The following ESCO2 variants were observed in gnomAD, a reference collection of about 807,000 sequenced individuals.
ESCO2 encodes N-acetyltransferase ESCO2.
A neutral mutation model predicts 61.7 loss-of-function variants in ESCO2; 51 were observed. That is an observed-to-expected ratio of 0.83 (90% confidence interval 0.66 to 1.04). ESCO2 has a LOEUF of 1.04. Among genes scored for constraint, ESCO2 ranks in the 50% least tolerant of loss-of-function variants. The pLI, the probability that ESCO2 is intolerant of heterozygous loss-of-function variation, is 0.00. For synonymous variants in ESCO2, 230 were observed against 238.2 expected (o/e 0.97, Z 0.32); for missense variants, 692 against 686.2 (o/e 1.01, Z -0.09).
chr8:27,817,634 A>T (rs529000936), downstream of ESCO2, among the ~76,000 whole-genome samples: 23 of 151,302 alleles, frequency 1.5e-4, no homozygotes, highest in African/African-American at 4.9e-4. Flanking sequence ...AGGTTATTAT[A>T]AAAAAAATGC....
Position 27,788,968 on chromosome 8 carries a change from T to C in ESCO2, c.1253T>C (p.Ile418Thr). The C allele has an allele frequency of 1.2e-6, 2 of 1,614,080 alleles. No homozygotes were observed. The highest frequency in any genetic ancestry group is 1.7e-6 in the Non-Finnish European group (2 of 1,179,978). ...CATCACCACAGGTTTCTGGAAGGAA[T>C]CAAATATGTGGTGAGCCAAAACATA... is the stretch of plus-strand genomic sequence containing the variant. ...VQHHHRFLEG[I>T]KYVGWKKERV... is the part of the protein sequence containing the mutation. Residue 418 changes from isoleucine to threonine, a missense_variant, in exon 7 of 11, where the codon ATC (isoleucine) becomes ACC (threonine). By Grantham distance (89) the Ile-to-Thr change is moderately conservative. Coordinates refer to ENST00000305188, the MANE Select transcript of ESCO2 (RefSeq NM_001017420.3).
chr8:27,804,393 T>G lies in ESCO2; in HGVS notation c.*955T>G. On this transcript the variant is annotated 3_prime_UTR_variant, in exon 11 of 11. Transcript: ENST00000305188. ...TTTCATTTTCTAATTTTTTGCTTGT[T>G]TAAAATGCACCTTACTTGTTCTGAG... 1.0e-6 allele frequency: 1 copy of G among 985,440 alleles called. No individual in the cohort carries two copies. The highest frequency in any genetic ancestry group is 1.2e-6 in the Non-Finnish European group (1 of 829,922). The allele number at this position is 985,440 out of a possible 1,614,324, so 61.0% of individuals were successfully genotyped here. A position where few individuals can be genotyped will look rare whatever the true frequency, so the allele number is the denominator to read the frequency against.
At position 27,789,030 on chromosome 8, in the gene ESCO2, A is replaced by T. The variant is rs79535109; in HGVS notation, c.1263+52A>T. The T allele has an allele frequency of 4.8e-3, 7,749 of 1,611,350 alleles. 261 individuals carry two copies. In the East Asian group the frequency reaches 0.083, roughly 17 times the overall value. ...TGTTCTAGAAGTAAAACTAAAAGAG[A>T]CATTTCTTTTCCACCACCTCTACCA... On this transcript the variant is annotated intron_variant, in intron 7 of 10. Transcript: ENST00000305188.
At chr8:27,772,602 G>A (rs950411931), upstream of ESCO2, 2 of 1,513,652 alleles carry the variant, frequency 1.3e-6, no homozygotes, top group African/African-American at 1.4e-5. Context: ...ACGAAGCTCA[G>A]GATACCAGAC....
rs141822461 is a variant in ESCO2 at position 27,789,440 on chromosome 8, G to A, written c.1263+462G>A. On this transcript the variant is annotated intron_variant, in intron 7 of 10. Coordinates refer to ENST00000305188, the MANE Select transcript of ESCO2 (RefSeq NM_001017420.3). ...TATTTTTAGCCTGTTTATTGAAATG[G>A]CTTGCTTTCTGGGTTCCCATAGTGC... Among the ~76,000 whole-genome samples the A allele has an allele frequency of 7.9e-3, 1,200 of 152,130 alleles. 14 individuals carry two copies. Among genetic ancestry groups the A allele is most frequent in the African/African-American group, 0.027 (1,135 of 41,492 alleles).
chr8:27,806,222 T>C (rs1461161981), downstream of ESCO2, among the ~76,000 whole-genome samples: 2 of 152,202 alleles, frequency 1.3e-5, no homozygotes, highest in Non-Finnish European at 2.9e-5. Flanking sequence ...GCAGAAGACA[T>C]GCACAGAAAC....
Position 27,803,409 on chromosome 8 carries a change from A to C in ESCO2, c.1777A>C (p.Asn593His), listed in dbSNP as rs775944828. 3.1e-6 allele frequency: 5 copies of C among 1,613,546 alleles called. No individual in the cohort carries two copies. The Admixed American group carries it at 6.7e-5, about 22-fold the overall frequency. ...LFATKYCNTPNFLVYNFNS is the reference protein window; with the variant it reads ...LFATKYCNTPHFLVYNFNS The stretch of plus-strand genomic sequence containing the variant: ...TGCAACCAAGTACTGCAACACCCCT[A>C]ATTTCCTCGTATATAATTTTAATAG... The change falls in exon 11 of 11, where the codon AAT becomes CAT. Residue 593 changes from asparagine (N) to histidine (H), a missense_variant. Coordinates refer to ENST00000305188, the MANE Select transcript of ESCO2 (RefSeq NM_001017420.3).
downstream of ESCO2, among the ~76,000 whole-genome samples, chr8:27,807,725 A>G (rs1246220972): frequency 6.6e-6 from 1 of 152,020 alleles, no homozygotes; most frequent in African/African-American, 2.4e-5. Flanking sequence ...TTTTCCCCCC[A>G]TTGGAAGGGA....
rs1207069883 is a variant in ESCO2, at chr8:27,799,592, G to A, written c.1549G>A (p.Glu517Lys). ...TGGTCCAGAATCCCCAAGCTCTACG[G>A]AATGTCCTAGGGCTTGGCAATGTTC... Reference protein sequence around the residue: ...PIGPESPSSTECPRAWQCSDV... With the variant: ...PIGPESPSSTKCPRAWQCSDV... Residue 517 changes from glutamate to lysine, a missense_variant, in exon 10 of 11, where the codon GAA (glutamate) becomes AAA (lysine). Physicochemically the swap from Glu to Lys is moderately conservative, Grantham distance 56 (BLOSUM62 1). Transcript: ENST00000305188. The A allele has an allele frequency of 1.2e-6, 2 of 1,613,940 alleles. No homozygotes were observed. Among genetic ancestry groups the A allele is most frequent in the African/African-American group, 2.7e-5 (2 of 74,946 alleles).
chr8:27,792,909 C>T, intron 9 of ESCO2, 98 bp downstream of exon 9: 4 of 1,285,624 alleles, frequency 3.1e-6, no homozygotes, highest in Non-Finnish European at 4.3e-6. Flanking sequence ...CCATTAATGA[C>T]ACTCTTCCTA....
At chr8:27,810,644 A>G (rs548987083), downstream of ESCO2, 277 of 611,022 alleles carry the variant, frequency 4.5e-4, no homozygotes, top group Non-Finnish European at 6.3e-4. Context: ...AATGTCTTCA[A>G]TTGTCCTGCC....
At chr8:27,798,738 G>A (rs1203792341) in intron 9 of ESCO2, among the ~76,000 whole-genome samples, 1 of 152,140 alleles carries the variant, frequency 6.6e-6, no homozygotes, top group Non-Finnish European at 1.5e-5. Context: ...ATGAGTCTCA[G>A]GGGCATTATG....
At chr8:27,813,724 A>C (rs1314784538), downstream of ESCO2, among the ~76,000 whole-genome samples, 1 of 152,160 alleles carries the variant, frequency 6.6e-6, no homozygotes, top group Non-Finnish European at 1.5e-5. Flanking sequence ...AGGATGAGTA[A>C]GTTCTGGTGA....
At chr8:27,784,222 T>A (rs1022175168) in intron 5 of ESCO2, among the ~76,000 whole-genome samples, 165 bp downstream of exon 5, 2 of 152,076 alleles carry the variant, frequency 1.3e-5, no homozygotes, top group African/African-American at 4.8e-5. Flanking sequence ...CAGTCCCTCA[T>A]AGAAACATCA....
intron 7 of ESCO2, among the ~76,000 whole-genome samples, chr8:27,789,956 A>G (rs544988572): frequency 2.6e-5 from 4 of 152,300 alleles, no homozygotes; most frequent in African/African-American, 9.6e-5. Context: ...GTGTAGTTTA[A>G]ATTCTTGCCC....
chr8:27,795,979 G>T (rs1352381426), intron 9 of ESCO2, among the ~76,000 whole-genome samples: 5 of 145,012 alleles, frequency 3.4e-5, no homozygotes, highest in Admixed American at 3.4e-4. Context: ...GACTTTGGAG[G>T]TATTCTTCAG....
downstream of ESCO2, chr8:27,810,538 C>T (rs557416121): frequency 1.1e-5 from 14 of 1,305,684 alleles, no homozygotes; most frequent in South Asian, 1.7e-4. Context: ...TAAACAAAAT[C>T]ACTTTATGTC....
downstream of ESCO2, among the ~76,000 whole-genome samples, chr8:27,813,995 G>A (rs1429497226): frequency 6.6e-6 from 1 of 152,138 alleles, no homozygotes; most frequent in East Asian, 1.9e-4. Context: ...GGCATGCAGT[G>A]TATAATAATC....
chr8:27,795,040 T>G (rs565354191), intron 9 of ESCO2, among the ~76,000 whole-genome samples: 2 of 152,326 alleles, frequency 1.3e-5, no homozygotes, highest in South Asian at 4.1e-4. Flanking sequence ...TAGGACTGTT[T>G]TTTGTATTTT....
Sources: gnomAD v4.1 joint callset for allele counts (sites outside exome capture counted in the v4.1 genomes callset) on GRCh38, gnomAD v4.1.1 for gene constraint, MANE v1.5 for transcripts, NCBI Gene and HGNC (gene_info 2026-07-23, HGNC 2026-07-21) for gene names.